SMU1: variants seen among roughly 807,000 people sequenced by gnomAD.
SMU1 encodes WD40 repeat-containing protein SMU1.
Under a neutral mutation model 62.0 loss-of-function variants are expected in SMU1, and 2 were observed. The observed-to-expected ratio is 0.03, with a 90% confidence interval of 0.01 to 0.10. The LOEUF is 0.10. Among genes scored for constraint, SMU1 ranks in the 10% least tolerant of loss-of-function variants. SMU1 has a pLI of 1.00. For synonymous variants in SMU1, 188 were observed against 212.4 expected (o/e 0.89, Z 1.00); for missense variants, 227 against 622.1 (o/e 0.36, Z 6.76).
chr9:33,042,906 G>C lies in SMU1; in HGVS notation c.*4387C>G, dbSNP rs1349218295. ...GCTGGAGTGCAGTGGCACAGTCTCA[G>C]CTCACTGCAACCTCTGCCTCCCGGG... On this transcript the variant is annotated 3_prime_UTR_variant, in exon 12 of 12. Coordinates refer to ENST00000397149, the MANE Select transcript of SMU1 (RefSeq NM_018225.3). The C allele has an allele frequency of 6.6e-6, 1 of 152,362 alleles. No homozygotes were observed. The highest frequency in any genetic ancestry group is 1.9e-4 in the East Asian group (1 of 5,206). The allele number at this position is 152,362 out of a possible 1,614,324, so 9.4% of individuals were successfully genotyped here.
In SMU1 at chr9:33,057,591, T is replaced by C. The variant is rs532606920; in HGVS notation, c.867+7A>G. On this transcript the variant is annotated splice_region_variant and intron_variant, in intron 7 of 11. Transcript: ENST00000397149. ...TACATATGAGAGGCTGTGGCACTAA[T>C]CCATACCTTGATTTTTCCATCTTGG... 6.2e-7 allele frequency: 1 copy of C among 1,613,204 alleles called. No individual in the cohort carries two copies. Among genetic ancestry groups the C allele is most frequent in the African/African-American group, 1.3e-5 (1 of 75,036 alleles).
At chr9:33,067,599 T>C (rs909444013) in intron 4 of SMU1, among the ~76,000 whole-genome samples, 37 of 151,434 alleles carry the variant, frequency 2.4e-4, no homozygotes, top group Admixed American at 2.6e-4. Flanking sequence ...CCTGGGTTCA[T>C]GTGATTCTCC....
At chr9:33,061,407 T>A (rs771128372) in intron 5 of SMU1, among the ~76,000 whole-genome samples, 10 of 152,042 alleles carry the variant, frequency 6.6e-5, no homozygotes, top group Non-Finnish European at 1.2e-4. Context: ...AAACCCAAAA[T>A]GTTAACCCAA....
intron 5 of SMU1, among the ~76,000 whole-genome samples, chr9:33,061,754 C>T (rs1376029745): frequency 6.6e-6 from 1 of 152,036 alleles, no homozygotes; most frequent in African/African-American, 2.4e-5. Flanking sequence ...CCAGGTGTAA[C>T]CAAAAAAGAA....
intron 2 of SMU1, among the ~76,000 whole-genome samples, chr9:33,072,320 G>C (rs1443928370): frequency 3.9e-5 from 6 of 152,040 alleles, no homozygotes; most frequent in African/African-American, 1.2e-4. Context: ...CTGGGCGACA[G>C]AGCGAGATCT....
rs1334088929 is a variant in SMU1 at position 33,057,775 on chromosome 9, C to T, written c.751-61G>A. The T allele has an allele frequency of 9.4e-6, 15 of 1,597,432 alleles. No individual in the cohort carries two copies. The East Asian group carries it at 2.5e-4, about 26-fold the overall frequency. On this transcript the variant is annotated intron_variant, in intron 6 of 11. Coordinates refer to ENST00000397149, the MANE Select transcript of SMU1 (RefSeq NM_018225.3). ...ACAAAGCCAAGACCCCAGTTCTCTA[C>T]AAACTCACAAAAACCAGGGGCAATG... is the stretch of plus-strand genomic sequence containing the variant.
rs1839146051 is a variant in SMU1 at position 33,043,311 on chromosome 9, A to T, written c.*3982T>A. 6.6e-6 allele frequency: 1 copy of T among 152,218 alleles called. No individual in the cohort carries two copies. Among genetic ancestry groups the T allele is most frequent in the Non-Finnish European group, 1.5e-5 (1 of 68,028 alleles). 9.4% of individuals were successfully genotyped at this position (152,218 alleles called of 1,614,324 possible). A position where few individuals can be genotyped will look rare whatever the true frequency, so the allele number is the denominator to read the frequency against. On this transcript the variant is annotated 3_prime_UTR_variant, in exon 12 of 12. Transcript: ENST00000397149. Reference sequence around the variant, plus strand: ...TTTTAAGAGTCAGTCTTGCACCTTTATCATTTAAATTTGGTTATCTCAGCA... The same window carrying T: ...TTTTAAGAGTCAGTCTTGCACCTTTTTCATTTAAATTTGGTTATCTCAGCA...
At chr9:33,047,593 C>T (rs1424009201) in intron 11 of SMU1, among the ~76,000 whole-genome samples, 2 of 152,158 alleles carry the variant, frequency 1.3e-5, no homozygotes, top group Admixed American at 1.3e-4. Flanking sequence ...CGCAGTGGCT[C>T]ATGTCTGCAA....
At chr9:33,052,169 TA>T (rs1839257843) in intron 10 of SMU1, among the ~76,000 whole-genome samples, 1 of 152,090 alleles carries the variant, frequency 6.6e-6, no homozygotes, top group Non-Finnish European at 1.5e-5. Flanking sequence ...TATATCTAAA[TA>T]AGATCTGTAA....
At position 33,044,658 on chromosome 9, in the gene SMU1, A is replaced by T. The variant is rs1174222514; in HGVS notation, c.*2635T>A. The stretch of plus-strand genomic sequence containing the variant: ...AAATCAGTGTGTTTTTCAGGTTTGT[A>T]CGAAATGAAGTTGTAGAAAGATTAA... On this transcript the variant is annotated 3_prime_UTR_variant, in exon 12 of 12. Transcript: ENST00000397149. 6.6e-6 allele frequency: 1 copy of T among 152,278 alleles called. No homozygotes were observed. The highest frequency in any genetic ancestry group is 1.5e-5 in the Non-Finnish European group (1 of 68,068). The allele number at this position is 152,278 out of a possible 1,614,324, so 9.4% of individuals were successfully genotyped here.
chr9:33,075,106 G>A (rs900730436), intron 1 of SMU1, among the ~76,000 whole-genome samples: 1 of 152,180 alleles, frequency 6.6e-6, no homozygotes, highest in African/African-American at 2.4e-5. Context: ...GCCGGCCGCG[G>A]TGGCTCACGC....
intron 1 of SMU1, among the ~76,000 whole-genome samples, chr9:33,074,451 A>AC (rs201578552): frequency 0.071 from 10,608 of 148,858 alleles, 428 homozygotes; most frequent in Non-Finnish European, 0.099. Context: ...CACACACACA[A>AC]AAAAAAAAAT....
At position 33,067,139 on chromosome 9, in the gene SMU1, A is replaced by G. The variant is rs997462317; in HGVS notation, c.501+1685T>C. On this transcript the variant is annotated intron_variant, in intron 4 of 11. Coordinates refer to ENST00000397149, the MANE Select transcript of SMU1 (RefSeq NM_018225.3). ...TGTAATTATTTTTTAGCTGTGAACA[A>G]TAGCTATATAAAAATAACTATGTAA... Among the ~76,000 whole-genome samples the G allele has an allele frequency of 4.6e-5, 7 of 152,244 alleles. No homozygotes were observed. In the South Asian group the frequency reaches 1.5e-3, roughly 32 times the overall value.
intron 3 of SMU1, 75 bp downstream of exon 3, chr9:33,071,663 TAA>T (rs111931372): frequency 0.063 from 71,176 of 1,126,296 alleles, no homozygotes; most frequent in Middle Eastern, 0.078. Context: ...AATAAAATGG[TAA>T]AAAAAAAAAA....
intron 4 of SMU1, 121 bp downstream of exon 4, chr9:33,068,703 C>T: frequency 8.8e-7 from 1 of 1,135,748 alleles, no homozygotes; most frequent in South Asian, 1.6e-5. Flanking sequence ...CAGAGTCTCA[C>T]AATGTTGCTT....
chr9:33,056,919 C>A lies in SMU1; in HGVS notation c.913G>T (p.Ala305Ser). 6.2e-7 allele frequency: 1 copy of A among 1,613,292 alleles called. No homozygotes were observed. The highest frequency in any genetic ancestry group is 2.2e-5 in the East Asian group (1 of 44,850). ...SGQCLRRFER[A>S]HSKGVTCLSF... Reference sequence around the variant, plus strand: ...AGACAGGTGACACCCTTACTGTGTGCCCTCTCAAATCTCCTTAAACATTGT... The same window carrying A: ...AGACAGGTGACACCCTTACTGTGTGACCTCTCAAATCTCCTTAAACATTGT... The change falls in exon 8 of 12, where the codon GCA (alanine) becomes TCA (serine). Residue 305 changes from alanine to serine, a missense_variant. This residue lies in a region of SMU1 where 98 missense variants were observed against 195.9 expected (regional missense o/e 0.50). Transcript: ENST00000397149.
chr9:33,067,565 C>G (rs568327390), intron 4 of SMU1, among the ~76,000 whole-genome samples: 1 of 145,722 alleles, frequency 6.9e-6, no homozygotes, highest in Admixed American at 7.1e-5. Flanking sequence ...ATGGCTCAAT[C>G]TCGGCTCACT....
At chr9:33,071,663 TAAAA>T (rs111931372) in intron 3 of SMU1, 73 bp downstream of exon 3, 250 of 1,159,076 alleles carry the variant, frequency 2.2e-4, no homozygotes, top group Middle Eastern at 3.0e-4. Flanking sequence ...AATAAAATGG[TAAAA>T]AAAAAAAAAA....
In SMU1 at chr9:33,053,320, T is replaced by G. The variant is rs199944341; in HGVS notation, c.1123-30A>C. 1.4e-5 allele frequency: 22 copies of G among 1,588,836 alleles called. No individual in the cohort carries two copies. The African/African-American group carries it at 2.7e-4, about 20-fold the overall frequency. ...CACACAGAAATTTAAGTTATAAACCTTTTTTAGGTATAAAAATTTCTAAAG... is the reference window on the plus strand; with the variant it reads ...CACACAGAAATTTAAGTTATAAACCGTTTTTAGGTATAAAAATTTCTAAAG... On this transcript the variant is annotated intron_variant, in intron 9 of 11. Coordinates refer to ENST00000397149, the MANE Select transcript of SMU1 (RefSeq NM_018225.3).
Sources: gnomAD v4.1 joint callset for allele counts (sites outside exome capture counted in the v4.1 genomes callset) on GRCh38, gnomAD v4.1.1 for gene constraint, gnomAD v4.1.1 regional missense constraint, MANE v1.5 for transcripts, NCBI Gene and HGNC (gene_info 2026-07-23, HGNC 2026-07-21) for gene names.